Variants in MICU1 observed in about 807,000 individuals in gnomAD.
The protein encoded by MICU1 is mitochondrial calcium uptake 1, also known as calcium uptake protein 1, mitochondrial.
A neutral mutation model predicts 56.8 loss-of-function variants in MICU1; 45 were observed. The observed-to-expected ratio is 0.79, with a 90% CI of 0.62 to 1.02. The LOEUF is 1.02. MICU1 is among the 50% of genes least tolerant of loss of function. MICU1 has a pLI of 0.00. For synonymous variants in MICU1, 186 were observed against 195.1 expected (o/e 0.95, Z 0.39); for missense variants, 504 against 587.1 (o/e 0.86, Z 1.46).
At chr10:72,477,649 A>G in intron 6 of MICU1, 1 of 1,044,140 alleles carries the variant, frequency 9.6e-7, no homozygotes, top group South Asian at 1.5e-5. Flanking sequence ...GCTGCAAAGT[A>G]AGAAGTTGAA....
At chr10:72,568,546 T>G (rs74148023) in intron 1 of MICU1, among the ~76,000 whole-genome samples, 6,049 of 152,094 alleles carry the variant, frequency 0.04, 395 homozygotes, top group African/African-American at 0.13. Flanking sequence ...TCCTTCAAAC[T>G]GGCATCCATA....
At chr10:72,374,758 G>C (rs1862458504) in intron 11 of MICU1, among the ~76,000 whole-genome samples, 1 of 151,508 alleles carries the variant, frequency 6.6e-6, no homozygotes, top group South Asian at 2.1e-4. Flanking sequence ...ATAAAACAGA[G>C]GGGGCAGTAC....
intron 8 of MICU1, among the ~76,000 whole-genome samples, chr10:72,464,961 T>C (rs117925967): frequency 0.023 from 3,565 of 152,252 alleles, 59 homozygotes; most frequent in Non-Finnish European, 0.039. Flanking sequence ...TCAAAGAATG[T>C]TGATATCAAG....
intron 8 of MICU1, among the ~76,000 whole-genome samples, chr10:72,444,197 G>A (rs1362568817): frequency 7.4e-6 from 1 of 134,626 alleles, no homozygotes; most frequent in African/African-American, 2.7e-5. Flanking sequence ...ACAGGAGGGG[G>A]AACATCACAC....
chr10:72,475,108 T>C lies in MICU1; in HGVS notation c.925A>G (p.Lys309Glu), dbSNP rs183617445. 1 of 1,608,984 alleles carries C rather than the reference T, an allele frequency of 6.2e-7. No individual in the cohort carries two copies. Among genetic ancestry groups the C allele is most frequent in the African/African-American group, 1.3e-5 (1 of 74,978 alleles). ...GTCTAAGGAAGACCTACCTCAAGCT[T>C]CAGAACATCATGCTGCAGTTTACGC... ...FQRKLQHDVLKLEFERHDPVD... is the reference protein window; with the variant it reads ...FQRKLQHDVLELEFERHDPVD... Residue 309 changes from lysine (K) to glutamate (E), a missense_variant, in exon 8 of 12, where the codon AAG (lysine) becomes GAG (glutamate). Physicochemically the swap from Lys to Glu is moderately conservative, Grantham distance 56. Transcript: ENST00000361114.
chr10:72,532,680 A>T (rs1030304898), intron 5 of MICU1, among the ~76,000 whole-genome samples: 12 of 152,234 alleles, frequency 7.9e-5, no homozygotes, highest in Middle Eastern at 3.4e-3. Context: ...CTAGTTCAGC[A>T]CTCTTCCTTT....
chr10:72,618,557 C>T (rs748685696), intron 1 of MICU1, among the ~76,000 whole-genome samples: 1 of 152,116 alleles, frequency 6.6e-6, no homozygotes, highest in Non-Finnish European at 1.5e-5. Flanking sequence ...AATAATAATG[C>T]TACTTTATTT....
intron 1 of MICU1, among the ~76,000 whole-genome samples, chr10:72,616,453 G>A (rs1201113793): frequency 6.6e-6 from 1 of 151,932 alleles, no homozygotes; most frequent in Non-Finnish European, 1.5e-5. Context: ...CAGGCATGGT[G>A]GTGCACGCCT....
chr10:72,372,815 C>G (rs188316258), intron 11 of MICU1, among the ~76,000 whole-genome samples: 1 of 151,458 alleles, frequency 6.6e-6, no homozygotes, highest in East Asian at 1.9e-4. Context: ...GCACTCCAGC[C>G]TGGGCAACAA....
chr10:72,599,697 C>A (rs1841473026), intron 1 of MICU1, among the ~76,000 whole-genome samples: 1 of 152,122 alleles, frequency 6.6e-6, no homozygotes, highest in Non-Finnish European at 1.5e-5. Flanking sequence ...TTCTTCCTTC[C>A]TTACTTCCTG....
chr10:72,420,832 T>C (rs935559673), intron 9 of MICU1, among the ~76,000 whole-genome samples: 2 of 151,580 alleles, frequency 1.3e-5, no homozygotes, highest in Non-Finnish European at 2.9e-5. Flanking sequence ...CGTGCCACCA[T>C]GCCTGGCTAG....
intron 8 of MICU1, among the ~76,000 whole-genome samples, chr10:72,446,829 TTAA>T (rs2132198740): frequency 6.6e-6 from 1 of 152,318 alleles, no homozygotes; most frequent in Non-Finnish European, 1.5e-5. Flanking sequence ...TTGGCTGCTA[TTAA>T]TAATGATAGT....
chr10:72,414,019 A>G (rs901102015), intron 9 of MICU1, among the ~76,000 whole-genome samples: 1 of 152,220 alleles, frequency 6.6e-6, no homozygotes, highest in East Asian at 1.9e-4. Context: ...GAACTCTCGT[A>G]TATTCACATG....
intron 3 of MICU1, among the ~76,000 whole-genome samples, chr10:72,559,400 A>C (rs1475097253): frequency 1.3e-5 from 2 of 151,864 alleles, no homozygotes; most frequent in Non-Finnish European, 2.9e-5. Context: ...AAAATTATAA[A>C]ATTTATATAA....
intron 10 of MICU1, among the ~76,000 whole-genome samples, chr10:72,389,322 G>A (rs1862993166): frequency 6.6e-6 from 1 of 152,174 alleles, no homozygotes; most frequent in Admixed American, 6.5e-5. Context: ...CAAAGAATTT[G>A]AAAGCTGCAA....
At chr10:72,562,397 A>C (rs1309196046) in intron 3 of MICU1, among the ~76,000 whole-genome samples, 1 of 151,856 alleles carries the variant, frequency 6.6e-6, no homozygotes, top group Non-Finnish European at 1.5e-5. Flanking sequence ...CAGGTGATCC[A>C]CCCACCTCCG....
chr10:72,559,919 A>G (rs1840251551), intron 3 of MICU1, among the ~76,000 whole-genome samples: 1 of 152,188 alleles, frequency 6.6e-6, no homozygotes, highest in Non-Finnish European at 1.5e-5. Flanking sequence ...TGTGAACTGC[A>G]CATGCAAGGG....
chr10:72,566,511 C>G, intron 2 of MICU1, 122 bp downstream of exon 2: 2 of 995,464 alleles, frequency 2.0e-6, no homozygotes, highest in Non-Finnish European at 2.9e-6. Context: ...TTAACAATAC[C>G]AAATGATCCG....
At chr10:72,506,116 C>T (rs928576982) in intron 6 of MICU1, among the ~76,000 whole-genome samples, 1 of 152,016 alleles carries the variant, frequency 6.6e-6, no homozygotes, top group Non-Finnish European at 1.5e-5. Flanking sequence ...GTAAATCACT[C>T]ACCACATTCA....
Sources: gnomAD v4.1 joint callset for allele counts (sites outside exome capture counted in the v4.1 genomes callset) on GRCh38, gnomAD v4.1.1 for gene constraint, MANE v1.5 for transcripts, NCBI Gene and HGNC (gene_info 2026-07-23, HGNC 2026-07-21) for gene names.